Variants in DRG1 observed in about 807,000 individuals in gnomAD.
DRG1 encodes developmentally regulated GTP binding protein 1.
A neutral mutation model predicts 38.8 loss-of-function variants in DRG1; 19 were observed. The observed-to-expected ratio is 0.49, with a 90% confidence interval of 0.34 to 0.72. The LOEUF (loss-of-function observed/expected upper bound fraction) is 0.72. DRG1 is among the 30% of genes least tolerant of loss of function. The probability of loss-of-function intolerance (pLI) is 0.01; values close to 1 mark genes in which losing one functional copy is unlikely to be tolerated. For missense variants in DRG1, 299 were observed against 444.8 expected, an observed-to-expected ratio of 0.67 and a Z score of 2.95; for synonymous variants, 167 against 157.5, an observed-to-expected ratio of 1.06 and a Z score of -0.45.
chr22:31,433,501 T>C (rs1250340248), intron 8 of DRG1, among the ~76,000 whole-genome samples: 1 of 151,994 alleles, frequency 6.6e-6, no homozygotes, highest in African/African-American at 2.4e-5. Flanking sequence ...GAACGCCTGA[T>C]CTCAGGTGAT....
intron 8 of DRG1, 26 bp from the exon 9 acceptor site, chr22:31,433,846 G>T: frequency 6.2e-7 from 1 of 1,606,160 alleles, no homozygotes; most frequent in South Asian, 1.1e-5. Context: ...TATTTACACT[G>T]ACTGTTCTTT....
chr22:31,431,670 A>G (rs916157628), intron 8 of DRG1, among the ~76,000 whole-genome samples: 5 of 152,150 alleles, frequency 3.3e-5, no homozygotes, highest in Admixed American at 3.3e-4. Context: ...CCCTTCCTCA[A>G]AAAACCAACC....
intron 8 of DRG1, among the ~76,000 whole-genome samples, chr22:31,432,634 G>C (rs1160064653): frequency 6.6e-6 from 1 of 152,036 alleles, no homozygotes; most frequent in Admixed American, 6.6e-5. Context: ...CACCATGTTG[G>C]CCAGGATGGT....
intron 7 of DRG1, 62 bp downstream of exon 7, chr22:31,426,844 A>G (rs2050114016): frequency 6.4e-7 from 1 of 1,564,352 alleles, no homozygotes; most frequent in African/African-American, 1.4e-5. Flanking sequence ...CTAAAATGAT[A>G]CTTTCTGGAG....
intron 8 of DRG1, 90 bp downstream of exon 8, chr22:31,427,272 A>G (rs2050116032): frequency 6.1e-6 from 9 of 1,471,912 alleles, no homozygotes; most frequent in African/African-American, 2.8e-5. Flanking sequence ...TTTAAAAAAG[A>G]AGGCAGGAAG....
intron 1 of DRG1, among the ~76,000 whole-genome samples, 176 bp from the exon 2 acceptor site, chr22:31,400,444 T>C (rs2049954747): frequency 6.6e-6 from 1 of 152,128 alleles, no homozygotes; most frequent in African/African-American, 2.4e-5. Flanking sequence ...TGGGCTTTGC[T>C]TTGCTTTGTA....
chr22:31,428,913 C>T (rs545802091), intron 8 of DRG1, among the ~76,000 whole-genome samples: 1 of 152,230 alleles, frequency 6.6e-6, no homozygotes, highest in Non-Finnish European at 1.5e-5. Context: ...CTCAATGTAT[C>T]ATTACATGAG....
At chr22:31,410,896 T>G in intron 3 of DRG1, 116 bp from the exon 4 acceptor site, 1 of 1,009,212 alleles carries the variant, frequency 9.9e-7, no homozygotes, top group African/African-American at 1.6e-5. Flanking sequence ...TAAGGAAGAT[T>G]GGATTTGGGT....
At chr22:31,400,205 G>A (rs1017021065) in intron 1 of DRG1, among the ~76,000 whole-genome samples, 1 of 151,754 alleles carries the variant, frequency 6.6e-6, no homozygotes, top group African/African-American at 2.4e-5. Context: ...ATTTGCTCCC[G>A]GTAATCGGAT....
intron 6 of DRG1, among the ~76,000 whole-genome samples, chr22:31,424,488 C>CTTTTTTTTTTT (rs398036881): frequency 1.4e-4 from 10 of 71,398 alleles, no homozygotes; most frequent in East Asian, 9.9e-4. Flanking sequence ...GCTTTGGTTT[C>CTTTTTTTTTTT]TTTTTTTTTT....
At chr22:31,414,470 C>CA (rs1178031507) in intron 4 of DRG1, among the ~76,000 whole-genome samples, 1 of 151,942 alleles carries the variant, frequency 6.6e-6, no homozygotes, top group African/African-American at 2.4e-5. Context: ...AATTAAAAAA[C>CA]AAAAAAATTC....
chr22:31,409,235 C>T (rs962598149), intron 3 of DRG1, among the ~76,000 whole-genome samples: 1 of 152,090 alleles, frequency 6.6e-6, no homozygotes, highest in African/African-American at 2.4e-5. Flanking sequence ...CAGGTGTGTG[C>T]CACCATACCC....
rs2050047768 is a variant in DRG1 at position 31,416,957 on chromosome 22, C to T, written c.413-3299C>T. Among the ~76,000 whole-genome samples the T allele has an allele frequency of 2.7e-5, 4 of 150,428 alleles. No homozygotes were observed. The South Asian group carries it at 6.3e-4, about 24-fold the overall frequency. On this transcript the variant is annotated intron_variant, in intron 4 of 8. Coordinates refer to ENST00000331457, the MANE Select transcript of DRG1 (RefSeq NM_004147.4). ...GTATGCTTCTGTAGTCCCAGCTGTT[C>T]GGGAGGCTGAGGTAGGAGGTTCTCT...
rs1476016517 is a variant in DRG1 at position 31,400,403 on chromosome 22, A to G, written c.43-217A>G. Among the ~76,000 whole-genome samples the G allele has an allele frequency of 2.0e-5, 3 of 152,078 alleles. No homozygotes were observed. In the East Asian group the frequency reaches 5.8e-4, roughly 29 times the overall value. Reference sequence around the variant, plus strand: ...GGTTTCAGTCTAGTCTGGGGGCACTAATTGGAATGACCTTAATCGTCTTTC... The same window carrying G: ...GGTTTCAGTCTAGTCTGGGGGCACTGATTGGAATGACCTTAATCGTCTTTC... On this transcript the variant is annotated intron_variant, in intron 1 of 8. Transcript: ENST00000331457.
chr22:31,424,367 T>A (rs1008010653), intron 6 of DRG1, among the ~76,000 whole-genome samples: 2 of 151,928 alleles, frequency 1.3e-5, no homozygotes, highest in African/African-American at 2.4e-5. Flanking sequence ...GCCAGACTGG[T>A]CTCAAACTCC....
At chr22:31,423,084 C>G (rs1427957648) in intron 5 of DRG1, among the ~76,000 whole-genome samples, 196 bp from the exon 6 acceptor site, 1 of 152,134 alleles carries the variant, frequency 6.6e-6, no homozygotes, top group Non-Finnish European at 1.5e-5. Context: ...GAAGGAGGAA[C>G]ACAGTTCAGC....
intron 4 of DRG1, among the ~76,000 whole-genome samples, chr22:31,417,302 C>T (rs1474278126): frequency 6.6e-6 from 1 of 151,776 alleles, no homozygotes; most frequent in African/African-American, 2.4e-5. Flanking sequence ...ACCTGGGAGG[C>T]AGAGGTTGCA....
Position 31,434,264 on chromosome 22 carries a change from G to A in DRG1, c.*293G>A. On this transcript the variant is annotated 3_prime_UTR_variant, in exon 9 of 9. Coordinates refer to ENST00000331457, the MANE Select transcript of DRG1 (RefSeq NM_004147.4). The stretch of plus-strand genomic sequence containing the variant: ...TATATACGGTGAAGCAGCTACAGAA[G>A]GGATCCTTGGGAACTTCATCTTGAG... The A allele has an allele frequency of 3.5e-6, 1 of 288,314 alleles. No individual in the cohort carries two copies. The highest frequency in any genetic ancestry group is 8.2e-5 in the East Asian group (1 of 12,254). 17.9% of individuals were successfully genotyped at this position (288,314 alleles called of 1,614,324 possible). A position where few individuals can be genotyped will look rare whatever the true frequency, so the allele number is the denominator to read the frequency against.
intron 4 of DRG1, among the ~76,000 whole-genome samples, chr22:31,415,871 C>T (rs1198149302): frequency 2.0e-5 from 3 of 151,512 alleles, no homozygotes; most frequent in African/African-American, 7.3e-5. Context: ...TTTTTTTTCC[C>T]CTTTGATTCG....
Sources: allele counts gnomAD v4.1 joint callset (sites outside exome capture counted in the v4.1 genomes callset), GRCh38; gene constraint gnomAD v4.1.1; transcripts MANE v1.5; gene names NCBI Gene and HGNC (gene_info 2026-07-23, HGNC 2026-07-21).